Variants in CPAP observed in about 807,000 individuals in gnomAD.
CPAP encodes centrosomal P4.1-associated protein.
the CPAP span, chr13:24,883,431 A>AAAAC: frequency 7.5e-7 from 1 of 1,328,488 alleles, no homozygotes; most frequent in Non-Finnish European, 1.0e-6. Context: ...AAACAACAGA[A>AAAAC]AAACTACTGA....
At chr13:24,900,431 C>G in the CPAP span, among the ~76,000 whole-genome samples, 1 of 152,180 alleles carries the variant, frequency 6.6e-6, no homozygotes, top group Admixed American at 6.5e-5. Context: ...GGAGCTGGAC[C>G]TGAGGTCAGG....
chr13:24,902,863 G>A, the CPAP span, among the ~76,000 whole-genome samples: 28,997 of 152,064 alleles, frequency 0.19, 3,209 homozygotes, highest in East Asian at 0.32. Flanking sequence ...ATCCCATCCC[G>A]CAGCAGGCAG....
the CPAP span, among the ~76,000 whole-genome samples, chr13:24,904,831 A>G: frequency 6.6e-6 from 1 of 152,208 alleles, no homozygotes; most frequent in Non-Finnish European, 1.5e-5. Context: ...AATATAATGG[A>G]AAGGAATCTT....
the CPAP span, among the ~76,000 whole-genome samples, chr13:24,931,319 T>TTTTTTTTTTTTTTTC: frequency 6.7e-6 from 1 of 148,192 alleles, no homozygotes; most frequent in African/African-American, 2.5e-5. Flanking sequence ...TTTTTTTTTT[T>TTTTTTTTTTTTTTTC]TGCATGCCTC....
At chr13:24,920,197 T>A in the CPAP span, among the ~76,000 whole-genome samples, 1 of 152,248 alleles carries the variant, frequency 6.6e-6, no homozygotes, top group Non-Finnish European at 1.5e-5. Context: ...TAATACACAT[T>A]GAAAATTCTT....
At chr13:24,926,327 C>T in the CPAP span, among the ~76,000 whole-genome samples, 1 of 152,146 alleles carries the variant, frequency 6.6e-6, no homozygotes, top group Admixed American at 6.5e-5. Context: ...TTAAAGCTAG[C>T]AGAGCCTGGG....
At chr13:24,907,178 A>G in the CPAP span, 131 of 1,612,610 alleles carry the variant, frequency 8.1e-5, no homozygotes, top group Non-Finnish European at 1.1e-4. Context: ...TTTCTCCAAT[A>G]GCAGCTTTAA....
chr13:24,911,999 A>T, the CPAP span: 2 of 1,614,152 alleles, frequency 1.2e-6, no homozygotes, highest in Admixed American at 3.3e-5. Flanking sequence ...TTGTTCTTCC[A>T]TGAGTCTCTG....
At chr13:24,906,593 T>C in the CPAP span, 9 of 1,614,206 alleles carry the variant, frequency 5.6e-6, no homozygotes, top group Non-Finnish European at 6.8e-6. Context: ...AAACTGCCCA[T>C]CACATTTCTT....
chr13:24,912,481 A>T, the CPAP span: 1 of 1,001,300 alleles, frequency 1.0e-6, no homozygotes, highest in Non-Finnish European at 1.5e-6. Flanking sequence ...AGGATTTCAG[A>T]GTGAAGGGGA....
At chr13:24,891,192 C>G in the CPAP span, among the ~76,000 whole-genome samples, 76 of 152,134 alleles carry the variant, frequency 5.0e-4, no homozygotes, top group Non-Finnish European at 9.7e-4. Context: ...GGTCACTCTC[C>G]TCCTTGCAGC....
the CPAP span, among the ~76,000 whole-genome samples, chr13:24,932,513 A>G: frequency 1.3e-5 from 2 of 152,232 alleles, no homozygotes; most frequent in Non-Finnish European, 2.9e-5. Context: ...ATATATGTGT[A>G]TATACACATA....
the CPAP span, among the ~76,000 whole-genome samples, chr13:24,887,946 G>A: frequency 1.3e-5 from 2 of 152,214 alleles, no homozygotes; most frequent in African/African-American, 2.4e-5. Context: ...ATGAGAAAAT[G>A]AGAGTGCCAT....
the CPAP span, among the ~76,000 whole-genome samples, chr13:24,895,699 G>T: frequency 1.3e-5 from 2 of 152,256 alleles, no homozygotes; most frequent in Non-Finnish European, 2.9e-5. Context: ...TAAATGGCAA[G>T]GGAGCCATGG....
the CPAP span, chr13:24,885,236 A>AT: frequency 1.5e-6 from 2 of 1,341,514 alleles, no homozygotes; most frequent in East Asian, 2.3e-5. Context: ...ACCCATGTTT[A>AT]TTTTTTATAG....
At chr13:24,894,277 G>A in the CPAP span, among the ~76,000 whole-genome samples, 1 of 152,222 alleles carries the variant, frequency 6.6e-6, no homozygotes, top group African/African-American at 2.4e-5. Context: ...GGGTAAGAGC[G>A]GAGGCCAAGC....
the CPAP span, among the ~76,000 whole-genome samples, chr13:24,890,245 C>T: frequency 2.6e-5 from 4 of 152,276 alleles, no homozygotes; most frequent in South Asian, 8.3e-4. Flanking sequence ...TGGTTGAATC[C>T]AAGTGGATAT....
chr13:24,903,863 A>G, the CPAP span: 1 of 1,484,414 alleles, frequency 6.7e-7, no homozygotes, highest in Admixed American at 1.7e-5. Context: ...CTGTTTATAG[A>G]TGGTCTTAAA....
the CPAP span, among the ~76,000 whole-genome samples, chr13:24,888,729 C>A: frequency 6.6e-6 from 1 of 152,156 alleles, no homozygotes; most frequent in Non-Finnish European, 1.5e-5. Context: ...CCTAATTGCC[C>A]ATCACCAGGA....
Sources: gnomAD v4.1 joint callset for allele counts (sites outside exome capture counted in the v4.1 genomes callset) on GRCh38, gnomAD v4.1.1 for gene constraint, MANE v1.5 for transcripts, NCBI Gene and HGNC (gene_info 2026-07-23, HGNC 2026-07-21) for gene names.